OR8S1: variants seen among roughly 807,000 people sequenced by gnomAD.
OR8S1 encodes olfactory receptor 8S1.
For missense variants in OR8S1, 362 were observed against 372.1 expected, an observed-to-expected ratio of 0.97 and a Z score of 0.22; for synonymous variants, 150 against 151.4, an observed-to-expected ratio of 0.99 and a Z score of 0.07.
In OR8S1 at chr12:48,526,248, AT is replaced by A; in HGVS notation, c.618del (p.His206GlnfsTer16). 6.2e-7 allele frequency: 1 copy of A among 1,613,802 alleles called. No homozygotes were observed. Among genetic ancestry groups the A allele is most frequent in the Admixed American group, 1.7e-5 (1 of 60,002 alleles). ...GCCTTGCTCTGCTCCACTCTCCTAC[AT>A]GGGCTGGGAAACTTCCTTTTGGTCT... is the stretch of plus-strand genomic sequence containing the variant. On this transcript the variant is annotated frameshift_variant, in exon 1 of 1. Transcript: ENST00000641651. LOFTEE classifies it low-confidence loss of function (END_TRUNC).
At chr12:48,526,181 C>G in exon 1 of OR8S1, 1 of 1,614,044 alleles carries the variant, frequency 6.2e-7, no homozygotes, top group Non-Finnish European at 8.5e-7. Flanking sequence ...GATGCCATCC[C>G]TCCTCCCTCT....
exon 1 of OR8S1, chr12:48,526,364 C>T (rs1316838612): frequency 8.1e-6 from 13 of 1,614,180 alleles, no homozygotes; most frequent in Admixed American, 1.7e-5. Flanking sequence ...CTCTGCCCAC[C>T]TCACTGCAGT....
exon 1 of OR8S1, chr12:48,526,335 G>C: frequency 6.2e-7 from 1 of 1,614,160 alleles, no homozygotes; most frequent in East Asian, 2.2e-5. Flanking sequence ...TCGGGCAGAA[G>C]CAAGGCCTTC....
exon 1 of OR8S1, chr12:48,525,830 T>G: frequency 1.2e-6 from 2 of 1,614,140 alleles, no homozygotes; most frequent in Non-Finnish European, 1.7e-6. Flanking sequence ...GAGTCACCTC[T>G]CTTTTGTTGA....
exon 1 of OR8S1, chr12:48,525,787 T>C: frequency 1.2e-6 from 2 of 1,614,182 alleles, no homozygotes; most frequent in Non-Finnish European, 1.7e-6. Context: ...TCAGGGCTGA[T>C]TCTTGTCTCC....
exon 1 of OR8S1, chr12:48,525,892 A>T: frequency 6.2e-7 from 1 of 1,614,164 alleles, no homozygotes. Flanking sequence ...ACCTCCTGTC[A>T]CAGAGGAAAA....
exon 1 of OR8S1, chr12:48,526,157 C>T (rs866100146): frequency 1.9e-6 from 3 of 1,614,156 alleles, no homozygotes; most frequent in Middle Eastern, 1.6e-4. Context: ...AATCATTCAC[C>T]ACTACAGCTA....
Position 48,525,769 on chromosome 12 carries a change from G to GCT in OR8S1, c.140_141dup (p.Met48SerfsTer2). The stretch of plus-strand genomic sequence containing the variant: ...CCATAATGGAAAACCTGATGCTGCT[G>GCT]CTCATGATCAGGGCTGATTCTTGTC... On this transcript the variant is annotated frameshift_variant, in exon 1 of 1. Coordinates refer to ENST00000641651, the Ensembl canonical transcript of OR8S1. LOFTEE classifies it low-confidence loss of function (END_TRUNC). The GCT allele has an allele frequency of 6.2e-7, 1 of 1,614,122 alleles. No homozygotes were observed.
chr12:48,526,422 C>T, exon 1 of OR8S1: 1 of 1,614,100 alleles, frequency 6.2e-7, no homozygotes, highest in Non-Finnish European at 8.5e-7. Flanking sequence ...ATGCCAAACT[C>T]AGGTTCCCCC....
chr12:48,525,880 G>GAACCTCCTGTCACAGAGGAA lies in OR8S1; in HGVS notation c.254_273dup (p.Ile92SerfsTer10). 1.2e-6 allele frequency: 2 copies of GAACCTCCTGTCACAGAGGAA among 1,614,186 alleles called. No homozygotes were observed. The highest frequency in any genetic ancestry group is 1.7e-6 in the Non-Finnish European group (2 of 1,180,020). The stretch of plus-strand genomic sequence containing the variant: ...CAGTCATTGTGCCCAAGATGCTGGA[G>GAACCTCCTGTCACAGAGGAA]AACCTCCTGTCACAGAGGAAAACCA... On this transcript the variant is annotated frameshift_variant, in exon 1 of 1. Transcript: ENST00000641651. LOFTEE classifies it low-confidence loss of function (END_TRUNC).
chr12:48,526,252 G>A (rs745693111), exon 1 of OR8S1: 1 of 1,613,876 alleles, frequency 6.2e-7, no homozygotes, highest in South Asian at 1.1e-5. Context: ...TCCTACATGG[G>A]CTGGGAAACT....
exon 1 of OR8S1, chr12:48,525,712 C>T (rs1938211190): frequency 6.2e-7 from 1 of 1,614,082 alleles, no homozygotes; most frequent in Non-Finnish European, 8.5e-7. Flanking sequence ...GGGCTCTGCT[C>T]TTTGTGCTGT....
At chr12:48,526,497 G>A in exon 1 of OR8S1, 1 of 1,607,332 alleles carries the variant, frequency 6.2e-7, no homozygotes, top group Non-Finnish European at 8.5e-7. Context: ...CTCATCTATA[G>A]CCTGAAAAAT....
chr12:48,525,984 T>A, exon 1 of OR8S1: 1 of 1,614,210 alleles, frequency 6.2e-7, no homozygotes, highest in Admixed American at 1.7e-5. Context: ...CTCTCAGGGA[T>A]GGCCTATGAC....
chr12:48,525,843 T>C, exon 1 of OR8S1: 1 of 1,614,170 alleles, frequency 6.2e-7, no homozygotes, highest in Non-Finnish European at 8.5e-7. Flanking sequence ...TTTGTTGATC[T>C]CTGCTTCTCT....
exon 1 of OR8S1, chr12:48,525,962 G>A: frequency 6.2e-7 from 1 of 1,614,204 alleles, no homozygotes; most frequent in Non-Finnish European, 8.5e-7. Flanking sequence ...TGCAGGGACT[G>A]AAGCCTGCCT....
chr12:48,525,718 G>A (rs374222856), exon 1 of OR8S1: 2 of 1,614,014 alleles, frequency 1.2e-6, no homozygotes, highest in Non-Finnish European at 1.7e-6. Context: ...TGCTCTTTGT[G>A]CTGTTCCTGG....
chr12:48,526,074 C>T (rs147005729), exon 1 of OR8S1: 2 of 1,614,152 alleles, frequency 1.2e-6, no homozygotes, highest in Non-Finnish European at 1.7e-6. Context: ...GTGTGGGGCT[C>T]ATGGGGACTG....
chr12:48,525,782 G>A, exon 1 of OR8S1: 1 of 1,614,112 alleles, frequency 6.2e-7, no homozygotes, highest in South Asian at 1.1e-5. Flanking sequence ...CATGATCAGG[G>A]CTGATTCTTG....
Sources: gnomAD v4.1 joint callset for allele counts on GRCh38, gnomAD v4.1.1 for gene constraint, MANE v1.5 for transcripts, NCBI Gene and HGNC (gene_info 2026-07-23, HGNC 2026-07-21) for gene names.